MACROD1: variants seen among roughly 807,000 people sequenced by gnomAD.
MACROD1 encodes the protein ADP-ribose glycohydrolase MACROD1.
MACROD1 carries 31 observed loss-of-function variants against 41.4 expected under a neutral mutation model. The observed-to-expected ratio is 0.75, with a 90% confidence interval of 0.56 to 1.01. The LOEUF is 1.01. Ranked by LOEUF, MACROD1 falls within the 50% of genes least tolerant of loss-of-function variation. The pLI is 0.00. For synonymous variants in MACROD1, 252 were observed against 203.4 expected (o/e 1.24, Z -2.03); for missense variants, 473 against 460.0 (o/e 1.03, Z -0.26).
intron 1 of MACROD1, among the ~76,000 whole-genome samples, chr11:64,157,396 G>A (rs1197949567): frequency 1.3e-5 from 2 of 152,084 alleles, no homozygotes; most frequent in African/African-American, 2.4e-5. Flanking sequence ...GCCCGGCCTT[G>A]CCCCATGAAT....
At chr11:64,007,805 G>A (rs2134328332) in intron 4 of MACROD1, among the ~76,000 whole-genome samples, 1 of 152,318 alleles carries the variant, frequency 6.6e-6, no homozygotes, top group Non-Finnish European at 1.5e-5. Context: ...ACAGGGACAG[G>A]TGCGGGGACT....
chr11:64,116,649 T>G (rs146149078), intron 3 of MACROD1: 6 of 1,613,772 alleles, frequency 3.7e-6, no homozygotes, highest in Non-Finnish European at 5.1e-6. Context: ...CCTGCCCCGC[T>G]CCCTCCGGGA....
intron 3 of MACROD1, among the ~76,000 whole-genome samples, chr11:64,065,270 G>A (rs1473551783): frequency 6.6e-6 from 1 of 152,140 alleles, no homozygotes; most frequent in East Asian, 1.9e-4. Context: ...GCGGTGGGTG[G>A]GCAGGATCGG....
chr11:64,058,845 G>A (rs2000515), intron 3 of MACROD1, among the ~76,000 whole-genome samples: 3 of 152,148 alleles, frequency 2.0e-5, no homozygotes, highest in Admixed American at 6.5e-5. Flanking sequence ...CCGGCAAGGG[G>A]GGGTAGGACC....
At chr11:64,032,636 G>A (rs1334141531) in intron 3 of MACROD1, among the ~76,000 whole-genome samples, 1 of 152,100 alleles carries the variant, frequency 6.6e-6, no homozygotes, top group Admixed American at 6.5e-5. Context: ...AGCTGCCCTT[G>A]CGGCTGAGTG....
At chr11:64,034,718 G>A (rs907405881) in intron 3 of MACROD1, among the ~76,000 whole-genome samples, 1 of 152,206 alleles carries the variant, frequency 6.6e-6, no homozygotes, top group Non-Finnish European at 1.5e-5. Context: ...CCCAGGCCTC[G>A]ATGGACAGCA....
chr11:64,043,954 CAGG>C (rs1216117490), intron 3 of MACROD1, among the ~76,000 whole-genome samples: 1 of 152,004 alleles, frequency 6.6e-6, no homozygotes, highest in Non-Finnish European at 1.5e-5. Context: ...GCTGGGACTA[CAGG>C]TGCCCGCCAC....
chr11:64,042,338 C>T (rs915104388), intron 3 of MACROD1, among the ~76,000 whole-genome samples: 3 of 152,218 alleles, frequency 2.0e-5, no homozygotes, highest in Non-Finnish European at 4.4e-5. Context: ...CCACCCTTCC[C>T]GTGCAGTCCC....
chr11:64,159,479 A>G (rs919152077), intron 1 of MACROD1, among the ~76,000 whole-genome samples: 41 of 151,292 alleles, frequency 2.7e-4, no homozygotes, highest in African/African-American at 9.7e-4. Context: ...CTGGGCAACA[A>G]AGTGAGACCC....
At chr11:64,020,729 CT>C (rs200944222) in intron 3 of MACROD1, among the ~76,000 whole-genome samples, 2 of 151,906 alleles carry the variant, frequency 1.3e-5, no homozygotes, top group African/African-American at 4.8e-5. Context: ...AGGTGCCTAT[CT>C]TTTTTTTGGA....
At chr11:64,165,544 A>G (rs1445282809) in intron 1 of MACROD1, among the ~76,000 whole-genome samples, 153 bp downstream of exon 1, 2 of 150,902 alleles carry the variant, frequency 1.3e-5, no homozygotes, top group Non-Finnish European at 3.0e-5. Flanking sequence ...GGGGCTGTCA[A>G]TGGGGAGGAG....
At chr11:64,092,424 A>G (rs1042498884) in intron 3 of MACROD1, among the ~76,000 whole-genome samples, 5 of 152,036 alleles carry the variant, frequency 3.3e-5, no homozygotes, top group African/African-American at 1.2e-4. Flanking sequence ...CTGCCTATGG[A>G]GGGCTGGTGG....
intron 3 of MACROD1, among the ~76,000 whole-genome samples, chr11:64,039,589 C>A (rs1943447187): frequency 6.6e-6 from 1 of 152,162 alleles, no homozygotes; most frequent in Non-Finnish European, 1.5e-5. Flanking sequence ...GGGAAAAGGA[C>A]AGCACCCCTG....
intron 3 of MACROD1, among the ~76,000 whole-genome samples, chr11:64,108,967 G>C (rs941189128): frequency 2.0e-5 from 3 of 152,170 alleles, no homozygotes; most frequent in Non-Finnish European, 4.4e-5. Context: ...GGAGGCTGAG[G>C]GGCAAGTGGG....
In MACROD1 at chr11:64,144,199, C is replaced by T. The variant is rs1340102124; in HGVS notation, c.517+7040G>A. On this transcript the variant is annotated intron_variant, in intron 3 of 10. Coordinates refer to ENST00000255681, the MANE Select transcript of MACROD1 (RefSeq NM_014067.4). ...GCTCTCTCCCCACAGAATGCTCTTG[C>T]CCCGACTTCTGACTTAGCACCCCGT... 2.6e-5 allele frequency among the ~76,000 whole-genome samples: 4 copies of T among 152,204 alleles called. No homozygotes were observed. In the East Asian group the frequency reaches 7.7e-4, roughly 29 times the overall value.
intron 3 of MACROD1, among the ~76,000 whole-genome samples, chr11:64,125,764 A>G (rs1945169058): frequency 6.6e-6 from 1 of 152,156 alleles, no homozygotes; most frequent in Non-Finnish European, 1.5e-5. Context: ...CCTTGAGTGG[A>G]TGACAAGGGG....
In MACROD1 at chr11:64,141,475, C is replaced by T. The variant is rs563395274; in HGVS notation, c.517+9764G>A. Among the ~76,000 whole-genome samples, 19 of 152,360 alleles carry T rather than the reference C, an allele frequency of 1.2e-4. No homozygotes were observed. The South Asian group carries it at 1.4e-3, about 12-fold the overall frequency. Reference sequence around the variant, plus strand: ...GCACACAGAGTACCCATCCGTTAAACGGGCAGGCAAGCCACGGCCTCCTGG... The same window carrying T: ...GCACACAGAGTACCCATCCGTTAAATGGGCAGGCAAGCCACGGCCTCCTGG... On this transcript the variant is annotated intron_variant, in intron 3 of 10. Coordinates refer to ENST00000255681, the MANE Select transcript of MACROD1 (RefSeq NM_014067.4).
chr11:64,013,205 T>A (rs1050378857), intron 4 of MACROD1, among the ~76,000 whole-genome samples: 20 of 152,206 alleles, frequency 1.3e-4, no homozygotes, highest in African/African-American at 4.8e-4. Flanking sequence ...ACACAATATG[T>A]AAGTAAATTA....
At chr11:64,152,266 C>T (rs369666700) in intron 2 of MACROD1, 26 bp downstream of exon 2, 26 of 1,608,472 alleles carry the variant, frequency 1.6e-5, no homozygotes, top group South Asian at 3.3e-5. Context: ...GCCTGCCCAC[C>T]AGGGCCTCCC....
Sources: allele counts gnomAD v4.1 joint callset (sites outside exome capture counted in the v4.1 genomes callset), GRCh38; gene constraint gnomAD v4.1.1; transcripts MANE v1.5; gene names NCBI Gene and HGNC (gene_info 2026-07-23, HGNC 2026-07-21).